Variants in LONP1 observed in about 807,000 individuals in gnomAD.
The protein encoded by LONP1 is lon peptidase 1, mitochondrial.
In LONP1, 31 loss-of-function variants were observed where a neutral mutation model predicts 98.5. The observed-to-expected ratio is 0.31, with a 90% CI of 0.24 to 0.42. The LOEUF is 0.42. Among genes scored for constraint, LONP1 ranks in the 20% least tolerant of loss-of-function variants. The pLI is 1.00. For missense variants in LONP1, 1,336 were observed against 1,350.6 expected (o/e 0.99, Z 0.17); for synonymous variants, 781 against 594.7 (o/e 1.31, Z -4.56).
chr19:5,707,186 A>G (rs2055159571), intron 6 of LONP1, 43 bp from the exon 7 acceptor site: 1 of 1,561,474 alleles, frequency 6.4e-7, no homozygotes, highest in Non-Finnish European at 8.8e-7. Flanking sequence ...AGAAGTCGGC[A>G]TCTGTGTGTG....
At position 5,707,701 on chromosome 19, in the gene LONP1, G is replaced by T; in HGVS notation, c.1058C>A (p.Thr353Asn). 1.9e-6 allele frequency: 3 copies of T among 1,610,022 alleles called. No homozygotes were observed. The highest frequency in any genetic ancestry group is 2.5e-6 in the Non-Finnish European group (3 of 1,177,384). The change falls in exon 6 of 18, where the codon ACC (threonine) becomes AAC (asparagine). Residue 353 changes from threonine (T) to asparagine (N), a missense_variant. Transcript: ENST00000360614. Reference sequence around the variant, plus strand: ...GTGGAGGTGACGAGCACTCACATTGGTCTCTTCCAGGACGTCCTGCAGCTC... The same window carrying T: ...GTGGAGGTGACGAGCACTCACATTGTTCTCTTCCAGGACGTCCTGCAGCTC... ...SHELQDVLEE[T>N]NIPKRLYKAL...
rs1019757222 is a variant in LONP1 at position 5,706,438 on chromosome 19, G to C, written c.1147-446C>G. Among the ~76,000 whole-genome samples, 16 of 151,758 alleles carry C rather than the reference G, an allele frequency of 1.1e-4. 1 individual carries two copies. The highest frequency in any genetic ancestry group is 1.0e-4 in the Non-Finnish European group (7 of 67,798). On this transcript the variant is annotated intron_variant, in intron 7 of 17. Transcript: ENST00000360614. Reference sequence around the variant, plus strand: ...AGCCTGGCCAACATGGTGAAACCCTGTCTCTACTAAAATACAAAAATTAGC... The same window carrying C: ...AGCCTGGCCAACATGGTGAAACCCTCTCTCTACTAAAATACAAAAATTAGC...
chr19:5,698,525 T>G (rs774759638), intron 10 of LONP1, among the ~76,000 whole-genome samples: 10 of 152,164 alleles, frequency 6.6e-5, no homozygotes, highest in Admixed American at 2.6e-4. Flanking sequence ...GGCCTGAGGC[T>G]GGCCGGGACG....
intron 4 of LONP1, chr19:5,708,676 A>G: frequency 2.6e-6 from 1 of 389,418 alleles, no homozygotes; most frequent in Non-Finnish European, 4.8e-6. Context: ...AAGCTATCTC[A>G]GGGGAAAAAA....
chr19:5,708,468 G>GGGGGC, intron 4 of LONP1, 65 bp from the exon 5 acceptor site: 16 of 551,240 alleles, frequency 2.9e-5, no homozygotes, highest in East Asian at 1.4e-4. Flanking sequence ...GGCTGGGTGG[G>GGGGGC]AGCATGGCCC....
chr19:5,710,870 A>C (rs1165173650), intron 4 of LONP1, among the ~76,000 whole-genome samples: 1 of 152,088 alleles, frequency 6.6e-6, no homozygotes, highest in Non-Finnish European at 1.5e-5. Flanking sequence ...TACTAAAAAT[A>C]CAAAAATTAG....
upstream of LONP1, chr19:5,720,188 C>A (rs569467236): frequency 1.5e-5 from 21 of 1,383,410 alleles, no homozygotes; most frequent in Non-Finnish European, 2.0e-5. Context: ...CGCCGCGAAA[C>A]GCACGTGACG....
rs2054883761 is a variant in LONP1 at position 5,694,267 on chromosome 19, C to A, written c.2320+120G>T. ...CCCCTGGGCTCCCAGCACACCACCC[C>A]CCGCCAGAGGCCGTTCAGAGCCACC... On this transcript the variant is annotated intron_variant, in intron 15 of 17. Coordinates refer to ENST00000360614, the MANE Select transcript of LONP1 (RefSeq NM_004793.4). 12 of 1,351,946 alleles carry A rather than the reference C, an allele frequency of 8.9e-6. No homozygotes were observed. The South Asian group carries it at 1.6e-4, about 18-fold the overall frequency. 83.7% of individuals were successfully genotyped at this position (1,351,946 alleles called of 1,614,324 possible). A position where few individuals can be genotyped will look rare whatever the true frequency, so the allele number is the denominator to read the frequency against.
chr19:5,702,491 GC>G lies in LONP1; in HGVS notation c.1368-1565del, dbSNP rs575704415. ...CTCTGGGAGGGAGGAGTGGGGGTCA[GC>G]CCCCCGCCCGGCCAGCCGCCCCATC... On this transcript the variant is annotated intron_variant, in intron 8 of 17. Coordinates refer to ENST00000360614, the MANE Select transcript of LONP1 (RefSeq NM_004793.4). Among the ~76,000 whole-genome samples the G allele has an allele frequency of 3.3e-4, 50 of 151,724 alleles. No individual in the cohort carries two copies. The East Asian group carries it at 4.9e-3, about 15-fold the overall frequency.
intron 9 of LONP1, among the ~76,000 whole-genome samples, chr19:5,699,715 G>A (rs1254858510): frequency 6.6e-6 from 1 of 151,476 alleles, no homozygotes; most frequent in East Asian, 2.0e-4. Flanking sequence ...GAGTCACCAT[G>A]CCTGGCTACT....
chr19:5,708,218 G>A, intron 5 of LONP1, 124 bp downstream of exon 5: 3 of 991,320 alleles, frequency 3.0e-6, no homozygotes, highest in Non-Finnish European at 4.5e-6. Flanking sequence ...CTCCACACAG[G>A]CCACTCCTTG....
intron 1 of LONP1, among the ~76,000 whole-genome samples, chr19:5,718,977 T>C (rs2055374356): frequency 6.6e-6 from 1 of 152,198 alleles, no homozygotes; most frequent in Non-Finnish European, 1.5e-5. Flanking sequence ...ATCCATGCTC[T>C]ACTATTTCTC....
In LONP1 at chr19:5,719,874, C is replaced by T. The variant is rs1382720799; in HGVS notation, c.259G>A (p.Glu87Lys). The change falls in exon 1 of 18, where the codon GAG becomes AAG. Residue 87 changes from glutamate to lysine, a missense_variant. By Grantham distance (56) the Glu-to-Lys change is moderately conservative. Transcript: ENST00000360614. ...CCGGCTCCTTCCTCCGCGCCGCCCTCGGAGGCGTCCTCGCCCCCCGAGAAT... is the reference window on the plus strand; with the variant it reads ...CCGGCTCCTTCCTCCGCGCCGCCCTTGGAGGCGTCCTCGCCCCCCGAGAAT... ...GAFSGGEDAS[E>K]GGAEEGAGGA... 2.0e-5 allele frequency: 32 copies of T among 1,585,172 alleles called. No homozygotes were observed. The highest frequency in any genetic ancestry group is 2.7e-5 in the Non-Finnish European group (31 of 1,166,150).
intron 1 of LONP1, among the ~76,000 whole-genome samples, chr19:5,716,935 G>A (rs573194986): frequency 1.9e-3 from 284 of 151,896 alleles, no homozygotes; most frequent in Non-Finnish European, 3.2e-3. Context: ...CTGGGACTAC[G>A]GGCGCCCACC....
rs990798454 is a variant in LONP1 at position 5,696,371 on chromosome 19, C to T, written c.1774G>A (p.Val592Met). Residue 592 changes from valine to methionine, a missense_variant and splice_region_variant, in exon 12 of 18, where the codon GTG becomes ATG. This residue lies in a region of LONP1 where 555 missense variants were observed against 542.6 expected (regional missense o/e 1.02). Transcript: ENST00000360614. ...TENPLILIDE[V>M]DKIGRGYQGD... ...TGGTAGCCTCGGCCGATCTTGTCCA[C>T]CTGGGGCAGCAGACAGCAGGTGGTG... 24 of 1,612,446 alleles carry T rather than the reference C, an allele frequency of 1.5e-5. No homozygotes were observed. Among genetic ancestry groups the T allele is most frequent in the Admixed American group, 3.3e-5 (2 of 59,980 alleles).
At chr19:5,698,663 G>A (rs2054986904) in intron 10 of LONP1, among the ~76,000 whole-genome samples, 1 of 152,196 alleles carries the variant, frequency 6.6e-6, no homozygotes, top group Non-Finnish European at 1.5e-5. Flanking sequence ...CCCTAGTCCT[G>A]GGGCATCAGC....
At position 5,705,947 on chromosome 19, in the gene LONP1, C is replaced by T; in HGVS notation, c.1192G>A (p.Glu398Lys). The T allele has an allele frequency of 6.2e-7, 1 of 1,613,850 alleles. No homozygotes were observed. Among genetic ancestry groups the T allele is most frequent in the Non-Finnish European group, 8.5e-7 (1 of 1,180,010 alleles). ...TCCTTCTTGATGATCTTTAGCTGCT[C>T]CTGCAGCAGGTACTTACGGTGGGTC... ...KQTHRKYLLQ[E>K]QLKIIKKELG... Residue 398 changes from glutamate to lysine, a missense_variant, in exon 8 of 18, where the codon GAG (glutamate) becomes AAG (lysine). By Grantham distance (56) the Glu-to-Lys change is moderately conservative. Coordinates refer to ENST00000360614, the MANE Select transcript of LONP1 (RefSeq NM_004793.4).
upstream of LONP1, chr19:5,720,310 C>A: frequency 1.1e-6 from 1 of 897,848 alleles, no homozygotes. Context: ...TCGTCTCCGC[C>A]TCTTCCGGTC....
intron 1 of LONP1, among the ~76,000 whole-genome samples, chr19:5,718,580 G>C (rs1053587156): frequency 1.3e-5 from 2 of 151,784 alleles, no homozygotes; most frequent in African/African-American, 4.8e-5. Context: ...CTTCCCAACA[G>C]ATCCTTGAGA....
Sources: allele counts gnomAD v4.1 joint callset (sites outside exome capture counted in the v4.1 genomes callset), GRCh38; gene constraint gnomAD v4.1.1; regional missense constraint gnomAD v4.1.1; transcripts MANE v1.5; gene names NCBI Gene and HGNC (gene_info 2026-07-23, HGNC 2026-07-21).